The following AQR variants were observed in gnomAD, a reference collection of about 807,000 sequenced individuals.
AQR encodes aquarius intron-binding spliceosomal factor.
AQR carries 61 observed loss-of-function variants against 180.5 expected under a neutral mutation model. The ratio of observed to expected loss-of-function variants is 0.34; its 90% confidence interval spans 0.28 to 0.42. The LOEUF is 0.42. Ranked by LOEUF, AQR falls within the 10% of genes least tolerant of loss-of-function variation. The pLI, the probability that AQR is intolerant of heterozygous loss-of-function variation, is 1.00. For synonymous variants in AQR, 551 were observed against 588.8 expected (o/e 0.94, Z 0.93); for missense variants, 1,281 against 1,798.3 (o/e 0.71, Z 5.20).
chr15:34,960,269 T>C (rs113181758), intron 3 of AQR, among the ~76,000 whole-genome samples: 66 of 152,236 alleles, frequency 4.3e-4, no homozygotes, highest in African/African-American at 1.5e-3. Context: ...GCGTGGGGAA[T>C]AGAACAGATG....
intron 27 of AQR, among the ~76,000 whole-genome samples, chr15:34,876,519 A>G (rs754008539): frequency 1.4e-4 from 21 of 152,028 alleles, no homozygotes; most frequent in Non-Finnish European, 2.6e-4. Flanking sequence ...TCTTGAGTCT[A>G]TTCATTTTTC....
In AQR at chr15:34,944,329, T is replaced by G; in HGVS notation, c.430A>C (p.Thr144Pro). The change falls in exon 6 of 35, where the codon ACA becomes CCA. Residue 144 changes from threonine (T) to proline (P), a missense_variant. By Grantham distance (38) the Thr-to-Pro change is conservative. Transcript: ENST00000156471. ...TGATCAAGAAAAAGTAGTAAGACTG[T>G]CTGTTCATGAAGTGAAAATTCACCA... Reference protein sequence around the residue: ...TDGEFSLHEQTVLLLFLDHCF... With the variant: ...TDGEFSLHEQPVLLLFLDHCF... The G allele has an allele frequency of 6.2e-7, 1 of 1,609,008 alleles. No individual in the cohort carries two copies. Among genetic ancestry groups the G allele is most frequent in the Non-Finnish European group, 8.5e-7 (1 of 1,178,186 alleles).
intron 5 of AQR, among the ~76,000 whole-genome samples, chr15:34,946,471 G>A (rs545109581): frequency 1.5e-5 from 2 of 136,040 alleles, no homozygotes; most frequent in Non-Finnish European, 3.2e-5. Flanking sequence ...GCCCCGTCCA[G>A]GAGGGAGGTG....
chr15:34,916,948 A>T (rs1893603720), intron 15 of AQR, among the ~76,000 whole-genome samples: 1 of 152,084 alleles, frequency 6.6e-6, no homozygotes, highest in Non-Finnish European at 1.5e-5. Flanking sequence ...GTAAAGTAAA[A>T]GACATTTTTT....
intron 6 of AQR, among the ~76,000 whole-genome samples, chr15:34,943,677 G>C (rs907871979): frequency 1.3e-5 from 2 of 151,938 alleles, no homozygotes; most frequent in Non-Finnish European, 2.9e-5. Flanking sequence ...TCAATTCAGA[G>C]GCACTAAATA....
intron 15 of AQR, among the ~76,000 whole-genome samples, chr15:34,916,086 T>A (rs1024242207): frequency 3.3e-5 from 5 of 152,182 alleles, no homozygotes; most frequent in African/African-American, 1.2e-4. Flanking sequence ...TCTCAAGTAG[T>A]TTAAAACTTC....
chr15:34,883,022 A>G (rs942973797), intron 26 of AQR, among the ~76,000 whole-genome samples: 1 of 152,206 alleles, frequency 6.6e-6, no homozygotes, highest in African/African-American at 2.4e-5. Context: ...CTATAAAGGT[A>G]ATGTAACATA....
At chr15:34,939,866 T>C (rs2140496364) in intron 8 of AQR, among the ~76,000 whole-genome samples, 1 of 152,362 alleles carries the variant, frequency 6.6e-6, no homozygotes. Context: ...TGGGTACTAC[T>C]GTCCAGATTT....
intron 34 of AQR, among the ~76,000 whole-genome samples, chr15:34,858,233 C>A (rs770357196): frequency 6.0e-5 from 9 of 150,882 alleles, no homozygotes; most frequent in Non-Finnish European, 1.2e-4. Context: ...ATCCACCTAC[C>A]TCAGCCTCCC....
Position 34,870,892 on chromosome 15 carries a change from G to C in AQR, c.3628C>G (p.Leu1210Val), listed in dbSNP as rs776445762. 6.2e-7 allele frequency: 1 copy of C among 1,612,918 alleles called. No homozygotes were observed. Among genetic ancestry groups the C allele is most frequent in the Non-Finnish European group, 8.5e-7 (1 of 1,179,364 alleles). Residue 1210 changes from leucine (L) to valine (V), a missense_variant, in exon 31 of 35, where the codon CTT (leucine) becomes GTT (valine). Physicochemically the swap from Leu to Val is conservative, Grantham distance 32. Transcript: ENST00000156471. ...CCAAGTAAACACATGTACATAAAAA[G>C]TGCTACTACATATTCTGCCTCTCCA... is the stretch of plus-strand genomic sequence containing the variant. ...NLGEAEYVVALFMYMCLLGYP... is the reference protein window; with the variant it reads ...NLGEAEYVVAVFMYMCLLGYP...
At position 34,855,294 on chromosome 15, in the gene AQR, T is replaced by C. The variant is rs930790281; in HGVS notation, c.*1498A>G. ...TGACTTTCTGGGTTTAATTTCCCTA[T>C]GAAGCAATCATTCCTTCAAAATGTC... On this transcript the variant is annotated 3_prime_UTR_variant, in exon 35 of 35. Coordinates refer to ENST00000156471, the MANE Select transcript of AQR (RefSeq NM_014691.3). The C allele has an allele frequency of 6.6e-6, 1 of 152,370 alleles. No individual in the cohort carries two copies. The highest frequency in any genetic ancestry group is 6.5e-5 in the Admixed American group (1 of 15,310). The allele number at this position is 152,370 out of a possible 1,614,324, so 9.4% of individuals were successfully genotyped here. A position where few individuals can be genotyped will look rare whatever the true frequency, so the allele number is the denominator to read the frequency against.
At chr15:34,925,078 A>C (rs1254805642) in intron 13 of AQR, among the ~76,000 whole-genome samples, 2 of 152,206 alleles carry the variant, frequency 1.3e-5, no homozygotes, top group Non-Finnish European at 2.9e-5. Flanking sequence ...ATGACAAAAG[A>C]TGTTACAAAC....
intron 25 of AQR, among the ~76,000 whole-genome samples, chr15:34,885,036 A>G (rs896686109): frequency 6.6e-6 from 1 of 152,194 alleles, no homozygotes; most frequent in African/African-American, 2.4e-5. Flanking sequence ...CACGTAACTC[A>G]AGAGAGTTTA....
At chr15:34,947,534 T>G (rs1566995520) in intron 5 of AQR, among the ~76,000 whole-genome samples, 1 of 146,564 alleles carries the variant, frequency 6.8e-6, no homozygotes, top group East Asian at 2.0e-4. Context: ...ATAATAATAA[T>G]AATAAAATAA....
chr15:34,952,879 A>G lies in AQR; in HGVS notation c.209+6T>C. The G allele has an allele frequency of 6.8e-7, 1 of 1,467,732 alleles. No individual in the cohort carries two copies. Among genetic ancestry groups the G allele is most frequent in the South Asian group, 1.2e-5 (1 of 81,834 alleles). The allele number at this position is 1,467,732 out of a possible 1,614,324, so 90.9% of individuals were successfully genotyped here. On this transcript the variant is annotated splice_donor_region_variant and intron_variant, in intron 4 of 34. Coordinates refer to ENST00000156471, the MANE Select transcript of AQR (RefSeq NM_014691.3). ...TCTTTCATCAATGGAATGCCTTATAACTTACCTAAATTCCAAGAGCATTAT... is the reference window on the plus strand; with the variant it reads ...TCTTTCATCAATGGAATGCCTTATAGCTTACCTAAATTCCAAGAGCATTAT...
At chr15:34,907,973 G>C (rs372442475) in intron 17 of AQR, among the ~76,000 whole-genome samples, 1 of 151,996 alleles carries the variant, frequency 6.6e-6, no homozygotes, top group African/African-American at 2.4e-5. Flanking sequence ...GCAACCATTT[G>C]TATCCACCCT....
At position 34,906,531 on chromosome 15, in the gene AQR, A is replaced by G. The variant is rs575461086; in HGVS notation, c.1831+14T>C. The G allele has an allele frequency of 1.9e-6, 3 of 1,613,244 alleles. No homozygotes were observed. Among genetic ancestry groups the G allele is most frequent in the South Asian group, 2.2e-5 (2 of 90,978 alleles). On this transcript the variant is annotated intron_variant, in intron 18 of 34. Transcript: ENST00000156471. Reference sequence around the variant, plus strand: ...TCTATACACATACTCTTTCAAAAATATAGGTCACCATACCATCTTCAATGA... The same window carrying G: ...TCTATACACATACTCTTTCAAAAATGTAGGTCACCATACCATCTTCAATGA...
chr15:34,943,186 A>C, intron 6 of AQR: 1 of 1,610,766 alleles, frequency 6.2e-7, no homozygotes, highest in Non-Finnish European at 8.5e-7. Context: ...CTGTATGCCC[A>C]GGGAAAGCGG....
At chr15:34,949,297 T>C (rs1368623814) in intron 4 of AQR, among the ~76,000 whole-genome samples, 6 of 47,618 alleles carry the variant, frequency 1.3e-4, no homozygotes, top group East Asian at 1.0e-3. Context: ...CACTGGGCCT[T>C]TAACTTTAAG....
Sources: allele counts gnomAD v4.1 joint callset (sites outside exome capture counted in the v4.1 genomes callset), GRCh38; gene constraint gnomAD v4.1.1; transcripts MANE v1.5; gene names NCBI Gene and HGNC (gene_info 2026-07-23, HGNC 2026-07-21).